NRXN3: variants seen among roughly 807,000 people sequenced by gnomAD.
NRXN3 encodes neurexin 3, also known as neurexin III.
In NRXN3, 32 loss-of-function variants were observed where a neutral mutation model predicts 137.6. The ratio of observed to expected loss-of-function variants is 0.23; its 90% CI spans 0.18 to 0.31. The LOEUF is 0.31. Ranked by LOEUF, NRXN3 falls within the 10% of genes least tolerant of loss-of-function variation. NRXN3 has a pLI of 1.00. For synonymous variants in NRXN3, 798 were observed against 784.5 expected, an observed-to-expected ratio of 1.02 and a Z score of -0.29; for missense variants, 1,574 against 2,062.5, an observed-to-expected ratio of 0.76 and a Z score of 4.59.
At chr14:78,744,703 A>G (rs2098599181) in intron 8 of NRXN3, 1 of 152,104 alleles carries the variant, frequency 6.6e-6, no homozygotes, top group African/African-American at 2.4e-5. Flanking sequence ...CCTTTTTTTA[A>G]TGACGCTGCA....
intron 17 of NRXN3, chr14:79,669,341 A>AGGAACATTTTAAAACCATCTTAT (rs2098593147): frequency 6.6e-6 from 1 of 152,148 alleles, no homozygotes; most frequent in Non-Finnish European, 1.5e-5. Context: ...GAACATTGTG[A>AGGAACATTTTAAAACCATCTTAT]GGAACATTTT....
At chr14:78,600,494 C>A (rs2097193858) in intron 4 of NRXN3, among the ~76,000 whole-genome samples, 1 of 152,228 alleles carries the variant, frequency 6.6e-6, no homozygotes, top group Admixed American at 6.5e-5. Flanking sequence ...AGAGGTAGAT[C>A]TGCTTTATTT....
At chr14:78,772,409 C>T (rs2098731278) in intron 8 of NRXN3, among the ~76,000 whole-genome samples, 1 of 152,144 alleles carries the variant, frequency 6.6e-6, no homozygotes, top group African/African-American at 2.4e-5. Flanking sequence ...AGTTTCTGAT[C>T]CTCCTTGCAC....
At chr14:79,464,790 A>C (rs556082172) in intron 15 of NRXN3, among the ~76,000 whole-genome samples, 1 of 152,332 alleles carries the variant, frequency 6.6e-6, no homozygotes, top group East Asian at 1.9e-4. Context: ...GAGACTTGAA[A>C]GTGGTACTAT....
intron 8 of NRXN3, among the ~76,000 whole-genome samples, chr14:78,740,680 A>G (rs1032394849): frequency 6.6e-6 from 1 of 152,088 alleles, no homozygotes; most frequent in African/African-American, 2.4e-5. Context: ...ACCAAAGAAT[A>G]ACCCAAGTTC....
intron 15 of NRXN3, among the ~76,000 whole-genome samples, chr14:79,227,517 A>C (rs2071157150): frequency 6.6e-6 from 1 of 152,174 alleles, no homozygotes; most frequent in Non-Finnish European, 1.5e-5. Flanking sequence ...TGATTAAAGA[A>C]AATGTCACCA....
intron 15 of NRXN3, among the ~76,000 whole-genome samples, chr14:79,071,577 T>G (rs1311461678): frequency 7.9e-5 from 12 of 152,174 alleles, no homozygotes; most frequent in Admixed American, 2.6e-4. Flanking sequence ...GATGGATGAA[T>G]GAATGGATCT....
At chr14:78,351,286 T>C (rs1353845030) in intron 4 of NRXN3, among the ~76,000 whole-genome samples, 1 of 152,340 alleles carries the variant, frequency 6.6e-6, no homozygotes, top group Non-Finnish European at 1.5e-5. Context: ...TTTACAGTTA[T>C]TAGCTTTTGC....
intron 4 of NRXN3, among the ~76,000 whole-genome samples, chr14:78,555,290 G>T (rs981563440): frequency 6.6e-6 from 1 of 152,302 alleles, no homozygotes; most frequent in Admixed American, 6.5e-5. Context: ...ACATTGGGTA[G>T]TACAGAGTTT....
intron 17 of NRXN3, among the ~76,000 whole-genome samples, chr14:79,675,615 G>A (rs2098636455): frequency 6.6e-6 from 1 of 152,084 alleles, no homozygotes; most frequent in Non-Finnish European, 1.5e-5. Flanking sequence ...GAGAGACAGA[G>A]AATAGTACTA....
At chr14:79,165,246 C>T (rs899141763) in intron 15 of NRXN3, among the ~76,000 whole-genome samples, 1 of 151,992 alleles carries the variant, frequency 6.6e-6, no homozygotes, top group Non-Finnish European at 1.5e-5. Flanking sequence ...CTCCTTGCTA[C>T]TGCCTGAAAT....
intron 15 of NRXN3, among the ~76,000 whole-genome samples, chr14:79,222,864 T>C (rs1407344805): frequency 6.6e-6 from 1 of 152,152 alleles, no homozygotes; most frequent in African/African-American, 2.4e-5. Context: ...CCATTTTTCA[T>C]CTGCTGTTTT....
In NRXN3 at chr14:78,456,506, C is replaced by CACTA. The variant is rs1182775497; in HGVS notation, c.757+158650_757+158653dup. Among the ~76,000 whole-genome samples, 5 of 152,342 alleles carry CACTA rather than the reference C, an allele frequency of 3.3e-5. No individual in the cohort carries two copies. In the East Asian group the frequency reaches 9.6e-4, roughly 29 times the overall value. On this transcript the variant is annotated intron_variant, in intron 4 of 20. Coordinates refer to ENST00000335750, the MANE Select transcript of NRXN3 (RefSeq NM_001330195.2). ...TGACTTCACACTTTTAAAAACCTAT[C>CACTA]ACTAACTTTCTTTTTCTAGCGTACT...
chr14:78,794,134 A>G (rs2098813960), intron 8 of NRXN3, among the ~76,000 whole-genome samples: 1 of 152,146 alleles, frequency 6.6e-6, no homozygotes, highest in South Asian at 2.1e-4. Flanking sequence ...TAATCACAAC[A>G]CTTTGGGAGG....
In NRXN3 at chr14:78,452,068, T is replaced by C. The variant is rs76736393; in HGVS notation, c.757+154208T>C. 0.012 allele frequency among the ~76,000 whole-genome samples: 1,861 copies of C among 152,338 alleles called. 187 individuals carry two copies. In the East Asian group the frequency reaches 0.27, roughly 22 times the overall value. On this transcript the variant is annotated intron_variant, in intron 4 of 20. Transcript: ENST00000335750. ...TTTGGAATCCTACACTGTAATATAATAAATATAGCTGACATTTATGAAATA... is the reference window on the plus strand; with the variant it reads ...TTTGGAATCCTACACTGTAATATAACAAATATAGCTGACATTTATGAAATA...
chr14:79,272,732 T>C (rs1393880707), intron 15 of NRXN3, among the ~76,000 whole-genome samples: 1 of 152,184 alleles, frequency 6.6e-6, no homozygotes, highest in African/African-American at 2.4e-5. Flanking sequence ...CAGGGACCAA[T>C]CATGAGCTTC....
chr14:79,495,523 A>G (rs1264078569), intron 16 of NRXN3, among the ~76,000 whole-genome samples: 1 of 152,188 alleles, frequency 6.6e-6, no homozygotes, highest in Non-Finnish European at 1.5e-5. Flanking sequence ...TACCCCTGTT[A>G]AAGTATGTAA....
intron 16 of NRXN3, among the ~76,000 whole-genome samples, chr14:79,515,741 A>T (rs2096977365): frequency 6.6e-6 from 1 of 152,164 alleles, no homozygotes; most frequent in African/African-American, 2.4e-5. Context: ...AGGGGGAAAA[A>T]GTCTCTTTCC....
At chr14:79,455,655 T>A (rs2096248185) in intron 15 of NRXN3, among the ~76,000 whole-genome samples, 1 of 152,268 alleles carries the variant, frequency 6.6e-6, no homozygotes, top group Non-Finnish European at 1.5e-5. Context: ...CTTTCAAATA[T>A]ATTGCTTTAA....
Sources: gnomAD v4.1 joint callset for allele counts (sites outside exome capture counted in the v4.1 genomes callset) on GRCh38, gnomAD v4.1.1 for gene constraint, MANE v1.5 for transcripts, NCBI Gene and HGNC (gene_info 2026-07-23, HGNC 2026-07-21) for gene names.